Variants in PCLO observed in about 807,000 individuals in gnomAD.
PCLO encodes piccolo presynaptic cytomatrix protein, also known as protein piccolo.
PCLO carries 82 observed loss-of-function variants against 427.5 expected under a neutral mutation model. The observed-to-expected ratio is 0.19, with a 90% CI of 0.16 to 0.23. The LOEUF (loss-of-function observed/expected upper bound fraction) is 0.23, where lower values mean the gene tolerates loss of function less well. PCLO is among the 10% of genes least tolerant of loss of function. The probability of loss-of-function intolerance (pLI) is 1.00; values close to 1 mark genes in which losing one functional copy is unlikely to be tolerated. For missense variants in PCLO, 6,239 were observed against 6,115.9 expected (o/e 1.02, Z -0.67); for synonymous variants, 2,357 against 2,155.4 (o/e 1.09, Z -2.59).
Position 82,821,216 on chromosome 7 carries a change from C to T in PCLO, c.14791+1279G>A, listed in dbSNP as rs1371893822. The T allele has an allele frequency of 1.5e-5, 15 of 989,464 alleles. No individual in the cohort carries two copies. The East Asian group carries it at 1.6e-3, about 103-fold the overall frequency. 61.3% of individuals were successfully genotyped at this position (989,464 alleles called of 1,614,324 possible). On this transcript the variant is annotated intron_variant, in intron 20 of 24. Coordinates refer to ENST00000333891, the MANE Select transcript of PCLO (RefSeq NM_033026.6). ...TGGAGGCAGATTATCAGACTGAGTT[C>T]TTTGAATGGGGAGGACTCCTGCTAT...
intron 22 of PCLO, among the ~76,000 whole-genome samples, chr7:82,784,492 C>T (rs1361752642): frequency 3.3e-5 from 5 of 151,996 alleles, no homozygotes; most frequent in Admixed American, 1.3e-4. Context: ...TTGAATTGCC[C>T]GTATTCATCA....
chr7:82,915,689 C>T lies in PCLO; in HGVS notation c.12297G>A (p.Gln4099=). The T allele has an allele frequency of 6.2e-7, 1 of 1,612,898 alleles. No homozygotes were observed. Among genetic ancestry groups the T allele is most frequent in the Non-Finnish European group, 8.5e-7 (1 of 1,179,432 alleles). The change falls in exon 7 of 25, where the codon CAG becomes CAA. Residue 4099 remains glutamine (Q), a synonymous_variant. Transcript: ENST00000333891. ...QEVTDFLAPL[Q]SSSRLHSYVK... is the part of the protein sequence containing the mutation. ...CATAACTATGCAATCTAGAGGAAGA[C>T]TGTAAAGGTGCTAGGAAATCTGTCA...
At chr7:83,010,867 C>T (rs1353149766) in intron 3 of PCLO, among the ~76,000 whole-genome samples, 1 of 152,010 alleles carries the variant, frequency 6.6e-6, no homozygotes, top group African/African-American at 2.4e-5. Context: ...TGCTTGACAT[C>T]TGGTCTAGTC....
intron 10 of PCLO, among the ~76,000 whole-genome samples, chr7:82,847,718 A>G (rs1792542069): frequency 6.6e-6 from 1 of 152,182 alleles, no homozygotes. Context: ...AAACTGTTGT[A>G]GCTTCTATTT....
Position 82,834,956 on chromosome 7 carries a change from GT to G in PCLO, c.14249+710del, listed in dbSNP as rs869129106. On this transcript the variant is annotated intron_variant, in intron 16 of 24. Transcript: ENST00000333891. ...TCAAACACCTATTATCTTTTTTTTT[GT>G]TTGTTTGTTTGTTTGTTTGTTTGTT... 2.4e-4 allele frequency among the ~76,000 whole-genome samples: 15 copies of G among 63,318 alleles called. No individual in the cohort carries two copies. In the East Asian group the frequency reaches 0.014, roughly 59 times the overall value. The allele number at this position is 63,318 out of a possible 152,430, so 41.5% of individuals were successfully genotyped here.
chr7:82,821,457 A>G, intron 20 of PCLO: 1 of 985,466 alleles, frequency 1.0e-6, no homozygotes, highest in Non-Finnish European at 1.2e-6. Context: ...AGGGGTTTAA[A>G]ACTGGCTGTT....
In PCLO at chr7:82,915,671, A is replaced by G. The variant is rs17156844; in HGVS notation, c.12315T>C (p.His4105=). The part of the protein sequence containing the change: ...LAPLQSSSRL[H]SYVKAEEDPM... ...GGTCTTCCTCCGCCTTCACATAACT[A>G]TGCAATCTAGAGGAAGACTGTAAAG... Residue 4105 remains histidine, a synonymous_variant, in exon 7 of 25, where the codon CAT becomes CAC. Coordinates refer to ENST00000333891, the MANE Select transcript of PCLO (RefSeq NM_033026.6). 404,822 of 1,612,400 alleles carry G rather than the reference A, an allele frequency of 0.25. 59,073 individuals are homozygous for G. Among genetic ancestry groups the G allele is most frequent in the East Asian group, 0.64 (28,424 of 44,650 alleles).
At chr7:83,043,799 A>G (rs1435658608) in intron 3 of PCLO, among the ~76,000 whole-genome samples, 1 of 152,072 alleles carries the variant, frequency 6.6e-6, no homozygotes, top group Non-Finnish European at 1.5e-5. Context: ...CTGTATACAA[A>G]GCCATTTTTA....
At chr7:82,922,091 T>C (rs574890109) in intron 6 of PCLO, among the ~76,000 whole-genome samples, 70 of 151,788 alleles carry the variant, frequency 4.6e-4, no homozygotes, top group African/African-American at 1.6e-3. Flanking sequence ...ACAAAACAGA[T>C]GTTGACTAGG....
At chr7:83,028,195 T>C (rs1486702823) in intron 3 of PCLO, among the ~76,000 whole-genome samples, 1 of 152,052 alleles carries the variant, frequency 6.6e-6, no homozygotes, top group Non-Finnish European at 1.5e-5. Flanking sequence ...CATGATTGTA[T>C]ATCTAGAAAA....
At chr7:82,769,623 G>A (rs926375549) in intron 22 of PCLO, among the ~76,000 whole-genome samples, 4 of 152,066 alleles carry the variant, frequency 2.6e-5, no homozygotes, top group African/African-American at 9.7e-5. Context: ...ATACAATGTG[G>A]AAGAGAAAAG....
Position 83,154,786 on chromosome 7 carries a change from T to C in PCLO, c.1855A>G (p.Ser619Gly), listed in dbSNP as rs777893742. 1.9e-6 allele frequency: 3 copies of C among 1,613,872 alleles called. No homozygotes were observed. ...TCTECQTTVC[S>G]LCGFNPNPHL... Reference sequence around the variant, plus strand: ...GGATTGGGATTAAAACCACAGAGACTACAGACAGTGGTTTGACACTCAGTG... The same window carrying C: ...GGATTGGGATTAAAACCACAGAGACCACAGACAGTGGTTTGACACTCAGTG... The change falls in exon 2 of 25, where the codon AGT (serine) becomes GGT (glycine). Residue 619 changes from serine (S) to glycine (G), a missense_variant. Physicochemically the swap from Ser to Gly is moderately conservative, Grantham distance 56. Around this residue, in one of 5 missense-constraint regions of PCLO, gnomAD observed 4,677 missense variants for 4,468.4 expected, o/e 1.05. Transcript: ENST00000333891.
chr7:82,995,099 A>G (rs1796466031), intron 3 of PCLO, among the ~76,000 whole-genome samples: 1 of 152,052 alleles, frequency 6.6e-6, no homozygotes, highest in Non-Finnish European at 1.5e-5. Flanking sequence ...GATATGATAC[A>G]GAGATGCATA....
chr7:82,968,251 A>G lies in PCLO; in HGVS notation c.3301-1764T>C, dbSNP rs142168577. On this transcript the variant is annotated intron_variant, in intron 3 of 24. Transcript: ENST00000333891. ...TGCTTTTTGTGTATATAATCACTCA[A>G]TATCAATTCTCTTGTTAATTTCATG... 3.0e-3 allele frequency among the ~76,000 whole-genome samples: 451 copies of G among 152,330 alleles called. 1 individual carries two copies. Among genetic ancestry groups the G allele is most frequent in the African/African-American group, 0.01 (426 of 41,578 alleles).
chr7:82,889,822 G>A (rs1263549019), intron 9 of PCLO, among the ~76,000 whole-genome samples: 1 of 151,936 alleles, frequency 6.6e-6, no homozygotes, highest in African/African-American at 2.4e-5. Flanking sequence ...GATGTAAAAG[G>A]AAAATGTATT....
intron 23 of PCLO, 45 bp downstream of exon 23, chr7:82,761,314 C>A: frequency 8.7e-7 from 1 of 1,150,440 alleles, no homozygotes; most frequent in Non-Finnish European, 1.2e-6. Flanking sequence ...AGACACATCC[C>A]TAAAAAAATC....
In PCLO at chr7:82,955,712, G is replaced by A. The variant is rs1404212885; in HGVS notation, c.5241C>T (p.His1747=). Residue 1747 remains histidine, a synonymous_variant, in exon 5 of 25, where the codon CAC becomes CAT. Transcript: ENST00000333891. ...GTTGCTGTTTGCTCTCTCCTTTTTT[G>A]TGACTCGGGCTACTGTCACTGTCCT... is the stretch of plus-strand genomic sequence containing the variant. The part of the protein sequence containing the change: ...LDEDSDSSPS[H]KKGESKQQRK... The A allele has an allele frequency of 6.2e-7, 1 of 1,613,742 alleles. No homozygotes were observed. Among genetic ancestry groups the A allele is most frequent in the Non-Finnish European group, 8.5e-7 (1 of 1,179,820 alleles).
At chr7:82,998,798 C>A (rs1366620215) in intron 3 of PCLO, among the ~76,000 whole-genome samples, 1 of 151,432 alleles carries the variant, frequency 6.6e-6, no homozygotes, top group Admixed American at 6.6e-5. Context: ...AAAGACAAAA[C>A]AAAAACAAAA....
chr7:82,957,420 A>T (rs1795552153), intron 4 of PCLO, among the ~76,000 whole-genome samples: 1 of 152,234 alleles, frequency 6.6e-6, no homozygotes, highest in Non-Finnish European at 1.5e-5. Flanking sequence ...ACTAAACAAA[A>T]AAAAAGCAAA....
Sources: gnomAD v4.1 joint callset for allele counts (sites outside exome capture counted in the v4.1 genomes callset) on GRCh38, gnomAD v4.1.1 for gene constraint, gnomAD v4.1.1 regional missense constraint, MANE v1.5 for transcripts, NCBI Gene and HGNC (gene_info 2026-07-23, HGNC 2026-07-21) for gene names.